The following CNNM1 variants were observed in gnomAD, a reference collection of about 807,000 sequenced individuals.
CNNM1 encodes the protein cyclin and CBS domain divalent metal cation transport mediator 1, also known as metal transporter CNNM1.
A neutral mutation model predicts 78.8 loss-of-function variants in CNNM1; 44 were observed. The ratio of observed to expected loss-of-function variants is 0.56; its 90% CI spans 0.44 to 0.72. The LOEUF is 0.72. CNNM1 is among the 30% of genes least tolerant of loss of function. The pLI is 0.00. For missense variants in CNNM1, 1,101 were observed against 1,292.2 expected, an observed-to-expected ratio of 0.85 and a Z score of 2.27; for synonymous variants, 584 against 581.5, an observed-to-expected ratio of 1.00 and a Z score of -0.06.
chr10:99,369,170 G>A (rs534903037), intron 6 of CNNM1, among the ~76,000 whole-genome samples: 1 of 152,144 alleles, frequency 6.6e-6, no homozygotes, highest in African/African-American at 2.4e-5. Flanking sequence ...CTTTTCATTA[G>A]GTTTAACCTC....
At chr10:99,331,724 C>CG (rs1306629797) in intron 1 of CNNM1, among the ~76,000 whole-genome samples, 7 of 151,454 alleles carry the variant, frequency 4.6e-5, no homozygotes, top group Non-Finnish European at 7.4e-5. Flanking sequence ...TGTCTTTGCC[C>CG]GGGGGGGAGG....
At chr10:99,389,925 A>G (rs2032422217) in intron 9 of CNNM1, among the ~76,000 whole-genome samples, 1 of 152,158 alleles carries the variant, frequency 6.6e-6, no homozygotes. Flanking sequence ...GGTTTGTGCA[A>G]ATATACCAAG....
intron 2 of CNNM1, 105 bp downstream of exon 2, chr10:99,357,760 G>C: frequency 9.1e-7 from 1 of 1,094,202 alleles, no homozygotes; most frequent in Non-Finnish European, 1.2e-6. Context: ...GGCAAACCCT[G>C]TGCCCTGATG....
chr10:99,362,403 A>C lies in CNNM1; in HGVS notation c.2028+7A>C. 6.2e-7 allele frequency: 1 copy of C among 1,606,758 alleles called. No homozygotes were observed. Among genetic ancestry groups the C allele is most frequent in the Non-Finnish European group, 8.5e-7 (1 of 1,176,734 alleles). Reference sequence around the variant, plus strand: ...CTTTGTGCTGCTTCTACAGGTGAGTAGGAAAGTCAGGGAACCTCTGAGAGC... The same window carrying C: ...CTTTGTGCTGCTTCTACAGGTGAGTCGGAAAGTCAGGGAACCTCTGAGAGC... On this transcript the variant is annotated splice_region_variant and intron_variant, in intron 4 of 10. Coordinates refer to ENST00000356713, the MANE Select transcript of CNNM1 (RefSeq NM_020348.3).
At position 99,364,403 on chromosome 10, in the gene CNNM1, T is replaced by TC; in HGVS notation, c.2029-14_2029-13insC. ...ATACACATTCATAGTACACTTCCTT[T>TC]TTTTTTTTTCCAGGGTAAAGTGGAG... On this transcript the variant is annotated splice_polypyrimidine_tract_variant and intron_variant, in intron 4 of 10. Coordinates refer to ENST00000356713, the MANE Select transcript of CNNM1 (RefSeq NM_020348.3). The TC allele has an allele frequency of 6.3e-7, 1 of 1,586,820 alleles. No individual in the cohort carries two copies. The highest frequency in any genetic ancestry group is 2.3e-5 in the East Asian group (1 of 44,264).
At position 99,388,213 on chromosome 10, in the gene CNNM1, G is replaced by C. The variant is rs763706272; in HGVS notation, c.2586G>C (p.Leu862=). ...TAGTGTACCTGAGGATGGAGGAGCT[G>C]GCCTTCACCCAGGAAGAAATGACTG... ...SEVVYLRMEE[L]AFTQEEMTDF... Residue 862 remains leucine, a synonymous_variant, in exon 9 of 11, where the codon CTG becomes CTC. Coordinates refer to ENST00000356713, the MANE Select transcript of CNNM1 (RefSeq NM_020348.3). The C allele has an allele frequency of 1.9e-6, 3 of 1,613,988 alleles. No homozygotes were observed. In the Admixed American group the frequency reaches 5.0e-5, roughly 27 times the overall value.
intron 1 of CNNM1, among the ~76,000 whole-genome samples, chr10:99,341,745 C>T (rs1204835393): frequency 6.6e-6 from 1 of 152,162 alleles, no homozygotes; most frequent in African/African-American, 2.4e-5. Flanking sequence ...TGCTGCTTTT[C>T]TTCCAGCAAA....
rs914141390 is a variant in CNNM1 at position 99,391,032 on chromosome 10, C to G, written c.2777-405C>G. 4.6e-5 allele frequency among the ~76,000 whole-genome samples: 7 copies of G among 152,384 alleles called. No individual in the cohort carries two copies. The East Asian group carries it at 9.6e-4, about 21-fold the overall frequency. On this transcript the variant is annotated intron_variant, in intron 10 of 10. Coordinates refer to ENST00000356713, the MANE Select transcript of CNNM1 (RefSeq NM_020348.3). Reference sequence around the variant, plus strand: ...GCAGGTCCCTGGAAATGGCTTGCAGCTACAGCCACCAACCCTGATTCATGG... The same window carrying G: ...GCAGGTCCCTGGAAATGGCTTGCAGGTACAGCCACCAACCCTGATTCATGG...
At chr10:99,357,725 A>G in intron 2 of CNNM1, 70 bp downstream of exon 2, 1 of 1,424,472 alleles carries the variant, frequency 7.0e-7, no homozygotes, top group Non-Finnish European at 9.3e-7. Context: ...GTAAAGCCTC[A>G]TTTGATTTAT....
intron 7 of CNNM1, among the ~76,000 whole-genome samples, chr10:99,377,618 A>C (rs1438102406): frequency 7.2e-5 from 11 of 152,232 alleles, no homozygotes; most frequent in Admixed American, 7.2e-4. Context: ...AAACAAAGTG[A>C]TGTGTAGAAG....
chr10:99,347,697 T>C (rs1405858242), intron 1 of CNNM1, among the ~76,000 whole-genome samples: 1 of 151,434 alleles, frequency 6.6e-6, no homozygotes, highest in East Asian at 1.9e-4. Context: ...CCCCTACCCC[T>C]CAACTCCCTG....
Position 99,364,481 on chromosome 10 carries a change from A to G in CNNM1, c.2093A>G (p.Tyr698Cys), listed in dbSNP as rs1421941979. Residue 698 changes from tyrosine to cysteine, a missense_variant, in exon 5 of 11, where the codon TAT (tyrosine) becomes TGT (cysteine). Around this residue, in one of 3 missense-constraint regions of CNNM1, gnomAD observed 348 missense variants for 384.5 expected, o/e 0.90. Transcript: ENST00000356713. ...LRFENGAFTY[Y>C]GVPAIMTTAC... ...TTTGAAAATGGAGCCTTTACTTACT[A>G]TGGCGTCCCAGCCATCATGACCACT... 6.2e-7 allele frequency: 1 copy of G among 1,612,398 alleles called. No homozygotes were observed.
At position 99,388,023 on chromosome 10, in the gene CNNM1, G is replaced by A. The variant is rs774650532; in HGVS notation, c.2524+20G>A. 2.5e-6 allele frequency: 4 copies of A among 1,577,128 alleles called. No homozygotes were observed. The highest frequency in any genetic ancestry group is 2.2e-5 in the East Asian group (1 of 44,598). ...TGCCGTGTAAGTCAGCTGGGCAGAC[G>A]GGCAGGCTGGGCTGGTGTGGGGTGA... On this transcript the variant is annotated intron_variant, in intron 8 of 10. Transcript: ENST00000356713.
At position 99,391,442 on chromosome 10, in the gene CNNM1, CA is replaced by C; in HGVS notation, c.2788del (p.Arg930GlyfsTer17). 1 of 1,612,990 alleles carries C rather than the reference CA, an allele frequency of 6.2e-7. No individual in the cohort carries two copies. The highest frequency in any genetic ancestry group is 8.5e-7 in the Non-Finnish European group (1 of 1,179,510). On this transcript the variant is annotated frameshift_variant, in exon 11 of 11. Coordinates refer to ENST00000356713, the MANE Select transcript of CNNM1 (RefSeq NM_020348.3). LOFTEE classifies it high-confidence loss of function. ...TTGCAACTTGTTTTTTTCAGGTGGC[CA>C]AAAAAGGAAGAGGTCACCAGAAGGA... ...GKKLLRTLSG[Q>X]KRKRSPEGER...
rs368494658 is a variant in CNNM1, at chr10:99,377,226, C to T, written c.2340+8C>T. On this transcript the variant is annotated splice_region_variant and intron_variant, in intron 7 of 10. Coordinates refer to ENST00000356713, the MANE Select transcript of CNNM1 (RefSeq NM_020348.3). ...GATGTGCAGTTTGTGAAGGTAACTC[C>T]CCCAGGAAGGTTATCCTCTCCCTCC... 1.9e-6 allele frequency: 3 copies of T among 1,612,726 alleles called. No homozygotes were observed. The highest frequency in any genetic ancestry group is 2.5e-6 in the Non-Finnish European group (3 of 1,179,244).
Position 99,377,163 on chromosome 10 carries a change from A to C in CNNM1, c.2285A>C (p.Asn762Thr). Residue 762 changes from asparagine (N) to threonine (T), a missense_variant, in exon 7 of 11, where the codon AAC becomes ACC. Transcript: ENST00000356713. ...ACCCAGCTGTACAGCAGCAGCAACAACCTCTACATGCCTGACTACTCAGTC... is the reference window on the plus strand; with the variant it reads ...ACCCAGCTGTACAGCAGCAGCAACACCCTCTACATGCCTGACTACTCAGTC... ...SNTQLYSSSN[N>T]LYMPDYSVHI... 6.2e-7 allele frequency: 1 copy of C among 1,613,194 alleles called. No individual in the cohort carries two copies. Among genetic ancestry groups the C allele is most frequent in the South Asian group, 1.1e-5 (1 of 90,866 alleles).
rs2032362602 is a variant in CNNM1, at chr10:99,388,059, G to A, written c.2524+56G>A. 72 of 1,580,952 alleles carry A rather than the reference G, an allele frequency of 4.6e-5. 1 individual carries two copies. In the South Asian group the frequency reaches 7.6e-4, roughly 17 times the overall value. On this transcript the variant is annotated intron_variant, in intron 8 of 10. Coordinates refer to ENST00000356713, the MANE Select transcript of CNNM1 (RefSeq NM_020348.3). ...GCTGGTGTGGGGTGAGGATGACCCT[G>A]CCTTCCTCTTCTAGCCCTTCCCAGG...
chr10:99,385,862 A>G (rs1291700694), intron 7 of CNNM1, among the ~76,000 whole-genome samples: 1 of 152,222 alleles, frequency 6.6e-6, no homozygotes, highest in Non-Finnish European at 1.5e-5. Context: ...CTTTGACTAA[A>G]CTAGAAGCCA....
chr10:99,336,492 C>T (rs977319561), intron 1 of CNNM1, among the ~76,000 whole-genome samples: 2 of 152,136 alleles, frequency 1.3e-5, no homozygotes, highest in Admixed American at 1.3e-4. Flanking sequence ...CAGTGCATGA[C>T]GATTTCTTAA....
Sources: allele counts gnomAD v4.1 joint callset (sites outside exome capture counted in the v4.1 genomes callset), GRCh38; gene constraint gnomAD v4.1.1; regional missense constraint gnomAD v4.1.1; transcripts MANE v1.5; gene names NCBI Gene and HGNC (gene_info 2026-07-23, HGNC 2026-07-21).